DLC1: variants seen among roughly 807,000 people sequenced by gnomAD.
The protein encoded by DLC1 is DLC1 Rho GTPase activating protein.
In DLC1, 54 loss-of-function variants were observed where a neutral mutation model predicts 140.3. The ratio of observed to expected loss-of-function variants is 0.38; its 90% CI spans 0.31 to 0.48. The LOEUF (loss-of-function observed/expected upper bound fraction) is 0.48, where lower values mean the gene tolerates loss of function less well. DLC1 is among the 20% of genes least tolerant of loss of function. The pLI is 0.96. For synonymous variants in DLC1, 986 were observed against 728.1 expected (o/e 1.35, Z -5.70); for missense variants, 2,536 against 1,907.0 (o/e 1.33, Z -6.14).
chr8:13,557,489 A>G (rs1418685772), intron 1 of DLC1, among the ~76,000 whole-genome samples: 1 of 152,164 alleles, frequency 6.6e-6, no homozygotes, highest in Non-Finnish European at 1.5e-5. Flanking sequence ...CTCATCTTGA[A>G]TTGTAATCCC....
chr8:13,486,980 T>C (rs1800998377), intron 2 of DLC1, among the ~76,000 whole-genome samples: 1 of 152,252 alleles, frequency 6.6e-6, no homozygotes, highest in Admixed American at 6.5e-5. Flanking sequence ...TGACTCAAAG[T>C]CCCATCTCCC....
chr8:13,213,216 T>C (rs1163645691), intron 5 of DLC1, among the ~76,000 whole-genome samples: 2 of 152,200 alleles, frequency 1.3e-5, no homozygotes, highest in African/African-American at 4.8e-5. Context: ...TGGCTGTATG[T>C]AGCTCAGGAA....
chr8:13,120,342 C>CAAAAAA (rs1554577908), intron 5 of DLC1, among the ~76,000 whole-genome samples: 3 of 58,806 alleles, frequency 5.1e-5, no homozygotes, highest in East Asian at 5.3e-4. Flanking sequence ...GACTCCGTCG[C>CAAAAAA]AAAAAAAAAA....
intron 4 of DLC1, among the ~76,000 whole-genome samples, chr8:13,354,141 T>C (rs1381621952): frequency 1.3e-5 from 2 of 152,080 alleles, no homozygotes; most frequent in Non-Finnish European, 2.9e-5. Flanking sequence ...CTCATTCCTA[T>C]TGATCAATAT....
At chr8:13,570,615 G>A (rs1475645626) in intron 1 of DLC1, among the ~76,000 whole-genome samples, 1 of 150,618 alleles carries the variant, frequency 6.6e-6, no homozygotes, top group Non-Finnish European at 1.5e-5. Context: ...TCCCTACAAA[G>A]GACATGAACT....
At chr8:13,106,549 A>G (rs1819584422) in intron 7 of DLC1, among the ~76,000 whole-genome samples, 1 of 152,134 alleles carries the variant, frequency 6.6e-6, no homozygotes, top group Non-Finnish European at 1.5e-5. Flanking sequence ...GGGTCTTGCC[A>G]TGTTTCCCAG....
chr8:13,393,689 A>T lies in DLC1; in HGVS notation c.1178T>A (p.Leu393Gln). Residue 393 changes from leucine to glutamine, a missense_variant, in exon 4 of 18, where the codon CTG becomes CAG. Coordinates refer to ENST00000276297, the MANE Select transcript of DLC1 (RefSeq NM_182643.3). ...TGCTCCACTTTCAGATCCTGATTCC[A>T]GATCCTATTAAAAAACAAATGCACT... ...PTNLRRHVPD[L>Q]ESGSESGADT... is the part of the protein sequence containing the mutation. The T allele has an allele frequency of 6.2e-7, 1 of 1,612,580 alleles. No homozygotes were observed. The highest frequency in any genetic ancestry group is 8.5e-7 in the Non-Finnish European group (1 of 1,179,534).
In DLC1 at chr8:13,579,333, A is replaced by T. The variant is rs1347788526; in HGVS notation, c.-126+25204T>A. ...TCTGACTTTATATATATATATATAT[A>T]TATATATATATATATATATATATAT... On this transcript the variant is annotated intron_variant, in intron 1 of 1. Transcript: ENST00000631382. 4.0e-4 allele frequency among the ~76,000 whole-genome samples: 7 copies of T among 17,400 alleles called. 1 individual carries two copies. Among genetic ancestry groups the T allele is most frequent in the Non-Finnish European group, 7.6e-4 (7 of 9,226 alleles). The allele number at this position is 17,400 out of a possible 152,430, so 11.4% of individuals were successfully genotyped here.
chr8:13,149,957 C>T (rs770267474), intron 5 of DLC1, among the ~76,000 whole-genome samples: 1 of 152,200 alleles, frequency 6.6e-6, no homozygotes, highest in Non-Finnish European at 1.5e-5. Flanking sequence ...TTAAAGAAAT[C>T]TTCTCAAGGA....
At chr8:13,400,244 A>C (rs920994229) in intron 3 of DLC1, among the ~76,000 whole-genome samples, 2 of 152,150 alleles carry the variant, frequency 1.3e-5, no homozygotes, top group African/African-American at 4.8e-5. Flanking sequence ...GGAAGGAAGG[A>C]GAACTGACCA....
At chr8:13,133,182 T>C (rs1477641504) in intron 5 of DLC1, 1 of 1,430,896 alleles carries the variant, frequency 7.0e-7, no homozygotes, top group Non-Finnish European at 9.1e-7. Flanking sequence ...GAGGGAGCGC[T>C]CAGGGAGTTG....
At chr8:13,367,493 C>T (rs996420878) in intron 4 of DLC1, among the ~76,000 whole-genome samples, 1 of 152,150 alleles carries the variant, frequency 6.6e-6, no homozygotes, top group Admixed American at 6.5e-5. Flanking sequence ...CAAAGATCTT[C>T]CCATGAATTG....
Position 13,499,286 on chromosome 8 carries a change from G to A in DLC1, c.786C>T (p.Cys262=). 1 of 1,614,106 alleles carries A rather than the reference G, an allele frequency of 6.2e-7. No individual in the cohort carries two copies. The highest frequency in any genetic ancestry group is 8.5e-7 in the Non-Finnish European group (1 of 1,180,008). ...VVQNEFLDTP[C]TNRGLPLLKT... ...TTAATAATGGCAGTCCTCTGTTTGT[G>A]CAAGGAGTATCCAAGAACTCATTTT... The change falls in exon 2 of 18, where the codon TGC becomes TGT. Residue 262 remains cysteine (C), a synonymous_variant. Coordinates refer to ENST00000276297, the MANE Select transcript of DLC1 (RefSeq NM_182643.3).
intron 5 of DLC1, among the ~76,000 whole-genome samples, chr8:13,302,174 GC>G (rs1347784936): frequency 6.6e-6 from 1 of 152,184 alleles, no homozygotes; most frequent in Admixed American, 6.5e-5. Flanking sequence ...TGCCTGGGAA[GC>G]TTTTTGAATA....
At chr8:13,483,044 G>A (rs1249828424) in intron 2 of DLC1, among the ~76,000 whole-genome samples, 1 of 152,192 alleles carries the variant, frequency 6.6e-6, no homozygotes, top group African/African-American at 2.4e-5. Context: ...GCAGGGCTGT[G>A]CTTTTCTCAG....
intron 1 of DLC1, among the ~76,000 whole-genome samples, chr8:13,582,656 A>C (rs1036156190): frequency 6.6e-6 from 1 of 151,588 alleles, no homozygotes; most frequent in Non-Finnish European, 1.5e-5. Context: ...GGATCTTGTG[A>C]TTGTGTGAGT....
chr8:13,374,518 C>G (rs373079529), intron 4 of DLC1, among the ~76,000 whole-genome samples: 1 of 152,186 alleles, frequency 6.6e-6, no homozygotes, highest in African/African-American at 2.4e-5. Context: ...GGTACAGTGG[C>G]TCATGCCTGT....
At chr8:13,322,553 T>C (rs944673524) in intron 4 of DLC1, among the ~76,000 whole-genome samples, 1 of 152,210 alleles carries the variant, frequency 6.6e-6, no homozygotes, top group African/African-American at 2.4e-5. Flanking sequence ...GATCTAGTCC[T>C]ATAACCTTAA....
chr8:13,315,810 A>G (rs17801135), intron 4 of DLC1, among the ~76,000 whole-genome samples: 15,672 of 152,290 alleles, frequency 0.1, 1,006 homozygotes, highest in South Asian at 0.23. Context: ...TTGATTTCAC[A>G]GATCTCTTGA....
Sources: gnomAD v4.1 joint callset for allele counts (sites outside exome capture counted in the v4.1 genomes callset) on GRCh38, gnomAD v4.1.1 for gene constraint, MANE v1.5 for transcripts, NCBI Gene and HGNC (gene_info 2026-07-23, HGNC 2026-07-21) for gene names.